PDE4D: variants seen among roughly 807,000 people sequenced by gnomAD.
PDE4D encodes 3',5'-cyclic-AMP phosphodiesterase 4D.
Under a neutral mutation model 87.4 loss-of-function variants are expected in PDE4D, and 24 were observed. The ratio of observed to expected loss-of-function variants is 0.27; its 90% confidence interval spans 0.20 to 0.39. The LOEUF (loss-of-function observed/expected upper bound fraction) is 0.39. Ranked by LOEUF, PDE4D falls within the 10% of genes least tolerant of loss-of-function variation. The pLI, the probability that PDE4D is intolerant of heterozygous loss-of-function variation, is 1.00. For synonymous variants in PDE4D, 384 were observed against 383.2 expected (o/e 1.00, Z -0.02); for missense variants, 714 against 1,041.0 (o/e 0.69, Z 4.32).
intron 1 of PDE4D, among the ~76,000 whole-genome samples, chr5:59,752,290 A>T (rs1338481449): frequency 6.6e-6 from 1 of 152,198 alleles, no homozygotes; most frequent in Non-Finnish European, 1.5e-5. Flanking sequence ...TGAAAGTACT[A>T]CTGTCTTTCA....
At chr5:59,801,319 A>T (rs1767101366) in intron 1 of PDE4D, among the ~76,000 whole-genome samples, 1 of 152,206 alleles carries the variant, frequency 6.6e-6, no homozygotes, top group Non-Finnish European at 1.5e-5. Context: ...TTCATATTTC[A>T]TTATTCTAAG....
intron 2 of PDE4D, among the ~76,000 whole-genome samples, chr5:60,069,028 G>A (rs1554145999): frequency 6.6e-6 from 1 of 152,144 alleles, no homozygotes; most frequent in Non-Finnish European, 1.5e-5. Flanking sequence ...TTTTGCATAT[G>A]ATGTAAGACA....
At chr5:59,290,842 T>C (rs777619539) in intron 1 of PDE4D, among the ~76,000 whole-genome samples, 5 of 152,168 alleles carry the variant, frequency 3.3e-5, no homozygotes, top group South Asian at 2.1e-4. Flanking sequence ...CTCAACATCA[T>C]TGATCGTCAG....
chr5:59,608,570 C>T (rs907260795), intron 1 of PDE4D, among the ~76,000 whole-genome samples: 1 of 152,058 alleles, frequency 6.6e-6, no homozygotes, highest in Non-Finnish European at 1.5e-5. Flanking sequence ...AATGAAGTAA[C>T]CCCCTTGAGA....
intron 5 of PDE4D, among the ~76,000 whole-genome samples, chr5:59,100,000 T>C (rs1488294212): frequency 6.6e-6 from 1 of 152,232 alleles, no homozygotes; most frequent in Admixed American, 6.5e-5. Context: ...ATACTTTCTT[T>C]ATTTTCCATA....
rs1744522416 is a variant in PDE4D, at chr5:60,433,538, AACC to A, written c.-90+54401_-90+54403del. Among the ~76,000 whole-genome samples the A allele has an allele frequency of 2.0e-5, 3 of 152,344 alleles. No homozygotes were observed. The South Asian group carries it at 6.2e-4, about 32-fold the overall frequency. Reference sequence around the variant, plus strand: ...CAATTTCTCGAAGAACTTAAAACAGAACCACCATTTGACCCAGCAGTCCTATTA... The same window carrying A: ...CAATTTCTCGAAGAACTTAAAACAGAACCATTTGACCCAGCAGTCCTATTA... On this transcript the variant is annotated intron_variant, in intron 1 of 16. Coordinates refer to the PDE4D transcript ENST00000502484.
chr5:60,490,955 C>T (rs1749499969), upstream of PDE4D: 2 of 152,286 alleles, frequency 1.3e-5, no homozygotes, highest in South Asian at 2.1e-4. Flanking sequence ...CTATAGAAAA[C>T]GTTCAGACCC....
intron 6 of PDE4D, among the ~76,000 whole-genome samples, chr5:59,034,617 A>T (rs904369171): frequency 1.3e-5 from 2 of 152,238 alleles, no homozygotes; most frequent in Admixed American, 1.3e-4. Context: ...GCTCTGAGAC[A>T]AAGCACCCAG....
intron 5 of PDE4D, among the ~76,000 whole-genome samples, chr5:59,058,534 A>T (rs142404913): frequency 5.9e-5 from 9 of 152,302 alleles, no homozygotes; most frequent in African/African-American, 1.7e-4. Flanking sequence ...TATGAATAGC[A>T]TTGCCTTTCA....
intron 1 of PDE4D, among the ~76,000 whole-genome samples, chr5:59,454,687 G>T (rs1169751340): frequency 1.3e-5 from 2 of 152,192 alleles, no homozygotes; most frequent in African/African-American, 4.8e-5. Flanking sequence ...GGTTGGAACA[G>T]TTAGGAGGGC....
chr5:60,133,244 A>T (rs1193443031), intron 2 of PDE4D, among the ~76,000 whole-genome samples: 1 of 152,214 alleles, frequency 6.6e-6, no homozygotes, highest in Non-Finnish European at 1.5e-5. Context: ...TTATCAAAAT[A>T]TTCTCCAATT....
chr5:60,103,361 G>T (rs987696423), intron 2 of PDE4D, among the ~76,000 whole-genome samples: 1 of 152,130 alleles, frequency 6.6e-6, no homozygotes, highest in Non-Finnish European at 1.5e-5. Flanking sequence ...CTTAGGCTAA[G>T]AAGAATAGAA....
At chr5:60,318,336 G>T (rs1755844808) in intron 1 of PDE4D, among the ~76,000 whole-genome samples, 1 of 152,016 alleles carries the variant, frequency 6.6e-6, no homozygotes, top group Non-Finnish European at 1.5e-5. Flanking sequence ...CCATTTGCTT[G>T]GTAGATCTTC....
In PDE4D at chr5:59,736,063, AAAAG is replaced by A. The variant is rs137873366; in HGVS notation, c.455+157101_455+157104del. On this transcript the variant is annotated intron_variant, in intron 1 of 14. Coordinates refer to ENST00000340635, the MANE Select transcript of PDE4D (RefSeq NM_001104631.2). ...AATAAAGAGTCAAATTTATGTGACA[AAAAG>A]AAATAAAATACATGTATAACATTGT... Among the ~76,000 whole-genome samples the A allele has an allele frequency of 9.1e-3, 1,386 of 152,184 alleles. 23 individuals are homozygous for A. The highest frequency in any genetic ancestry group is 0.032 in the African/African-American group (1,325 of 41,538).
intron 1 of PDE4D, chr5:59,768,673 G>C: frequency 6.7e-7 from 1 of 1,482,556 alleles, no homozygotes; most frequent in Middle Eastern, 2.5e-4. Flanking sequence ...GTGCAGAGGA[G>C]GCGAGCGCAC....
At chr5:59,397,256 C>T (rs1789601286) in intron 1 of PDE4D, among the ~76,000 whole-genome samples, 1 of 122,370 alleles carries the variant, frequency 8.2e-6, no homozygotes, top group Non-Finnish European at 1.7e-5. Context: ...GAACTCTCCA[C>T]TCCAAATCAA....
At chr5:59,416,049 G>T (rs1793555083) in intron 1 of PDE4D, among the ~76,000 whole-genome samples, 1 of 152,146 alleles carries the variant, frequency 6.6e-6, no homozygotes, top group South Asian at 2.1e-4. Context: ...TGCCAACATT[G>T]TCTTAATTCA....
At chr5:60,469,061 A>C (rs977059125) in intron 1 of PDE4D, among the ~76,000 whole-genome samples, 2 of 152,118 alleles carry the variant, frequency 1.3e-5, no homozygotes, top group African/African-American at 4.8e-5. Context: ...AATCTGCTTA[A>C]GGGAATAGCA....
At position 59,464,623 on chromosome 5, in the gene PDE4D, G is replaced by A. The variant is rs761478322; in HGVS notation, c.456-248655C>T. On this transcript the variant is annotated intron_variant, in intron 1 of 14. Coordinates refer to ENST00000340635, the MANE Select transcript of PDE4D (RefSeq NM_001104631.2). ...CAGAGGCTGGCGGGATCCTCCATAC[G>A]CTGAACGCTGGTTCCCTGGGTCCCC... 1.7e-4 allele frequency among the ~76,000 whole-genome samples: 26 copies of A among 152,016 alleles called. 1 individual carries two copies. Among genetic ancestry groups the A allele is most frequent in the Admixed American group, 4.6e-4 (7 of 15,248 alleles).
Sources: gnomAD v4.1 joint callset for allele counts (sites outside exome capture counted in the v4.1 genomes callset) on GRCh38, gnomAD v4.1.1 for gene constraint, MANE v1.5 for transcripts, NCBI Gene and HGNC (gene_info 2026-07-23, HGNC 2026-07-21) for gene names.